The following RBPJL variants were observed in gnomAD, a reference collection of about 807,000 sequenced individuals.
RBPJL encodes the protein recombination signal binding protein for immunoglobulin kappa J region like, also known as recombining binding protein suppressor of hairless-like protein.
In RBPJL, 50 loss-of-function variants were observed where a neutral mutation model predicts 57.6. The ratio of observed to expected loss-of-function variants is 0.87; its 90% confidence interval spans 0.69 to 1.10. The LOEUF (loss-of-function observed/expected upper bound fraction) is 1.10, where lower values mean the gene tolerates loss of function less well. RBPJL is among the 50% of genes least tolerant of loss of function. The pLI is 0.00. For synonymous variants in RBPJL, 303 were observed against 294.4 expected (o/e 1.03, Z -0.30); for missense variants, 684 against 693.7 (o/e 0.99, Z 0.16).
At position 45,317,512 on chromosome 20, in the gene RBPJL, A is replaced by G. The variant is rs552240636; in HGVS notation, c.*553A>G. Reference sequence around the variant, plus strand: ...CTGGAATATTAGATCCACCTGGAGCACCGGGTCTCTCTAAGTCTCACCTGG... The same window carrying G: ...CTGGAATATTAGATCCACCTGGAGCGCCGGGTCTCTCTAAGTCTCACCTGG... On this transcript the variant is annotated 3_prime_UTR_variant, in exon 12 of 12. Coordinates refer to ENST00000343694, the MANE Select transcript of RBPJL (RefSeq NM_014276.4). 2.0e-5 allele frequency: 3 copies of G among 153,694 alleles called. No homozygotes were observed. The highest frequency in any genetic ancestry group is 4.3e-5 in the Non-Finnish European group (3 of 69,246). The allele number at this position is 153,694 out of a possible 1,614,324, so 9.5% of individuals were successfully genotyped here.
chr20:45,315,414 A>T (rs1987401697), intron 9 of RBPJL, among the ~76,000 whole-genome samples: 1 of 150,840 alleles, frequency 6.6e-6, no homozygotes, highest in Non-Finnish European at 1.5e-5. Context: ...AAAAAAAAAA[A>T]TTCTGGAATC....
intron 3 of RBPJL, among the ~76,000 whole-genome samples, chr20:45,310,272 G>A (rs1488271585): frequency 1.3e-5 from 2 of 152,200 alleles, no homozygotes; most frequent in African/African-American, 4.8e-5. Context: ...CTGAAATGGA[G>A]CCAGACAGGA....
Position 45,308,175 on chromosome 20 carries a change from C to G in RBPJL, c.55C>G (p.Leu19Val). Residue 19 changes from leucine to valine, a missense_variant, in exon 2 of 12, where the codon CTG becomes GTG. Transcript: ENST00000343694. ...PSVPPNPLTHLSLQDRSEMQL... is the reference protein window; with the variant it reads ...PSVPPNPLTHVSLQDRSEMQL... ...AGTGCCTCCCAATCCTTTGACTCAC[C>G]TGAGCCTGCAGGACAGATCAGAGAT... 6.2e-7 allele frequency: 1 copy of G among 1,614,016 alleles called. No homozygotes were observed. The highest frequency in any genetic ancestry group is 8.5e-7 in the Non-Finnish European group (1 of 1,179,878).
intron 6 of RBPJL, 77 bp from the exon 7 acceptor site, chr20:45,313,391 A>T (rs1384731998): frequency 7.7e-7 from 1 of 1,292,322 alleles, no homozygotes; most frequent in African/African-American, 1.5e-5. Flanking sequence ...CCTAACCCCA[A>T]TCCTAACCCT....
Position 45,317,006 on chromosome 20 carries a change from G to T in RBPJL, c.*47G>T, listed in dbSNP as rs1419007118. 1.9e-6 allele frequency: 3 copies of T among 1,569,630 alleles called. No homozygotes were observed. Among genetic ancestry groups the T allele is most frequent in the Non-Finnish European group, 8.6e-7 (1 of 1,157,404 alleles). The stretch of plus-strand genomic sequence containing the variant: ...GCCCACCCTGGAGGGCTGCGCCCGC[G>T]CCAGGCGCGGGGACGTGTTTCTGGG... On this transcript the variant is annotated 3_prime_UTR_variant, in exon 12 of 12. Transcript: ENST00000343694.
Position 45,314,107 on chromosome 20 carries a change from T to G in RBPJL, c.830T>G (p.Leu277Arg). The change falls in exon 8 of 12, where the codon CTC becomes CGC. Residue 277 changes from leucine to arginine, a missense_variant. Leu to Arg is a moderately radical substitution (Grantham distance 102). Coordinates refer to ENST00000343694, the MANE Select transcript of RBPJL (RefSeq NM_014276.4). The stretch of plus-strand genomic sequence containing the variant: ...GTTCGCTATGGCTCCCTGGTGCAGC[T>G]CGTCTGCACGGTCACCGGCATCACA... ...GYVRYGSLVQ[L>R]VCTVTGITLP... 1 of 1,614,116 alleles carries G rather than the reference T, an allele frequency of 6.2e-7. No homozygotes were observed. The highest frequency in any genetic ancestry group is 8.5e-7 in the Non-Finnish European group (1 of 1,179,954).
intron 2 of RBPJL, 70 bp from the exon 3 acceptor site, chr20:45,309,497 T>C: frequency 6.6e-7 from 1 of 1,510,518 alleles, no homozygotes; most frequent in Non-Finnish European, 8.9e-7. Flanking sequence ...TCAACCTGAG[T>C]GCTTGGACCC....
At position 45,306,905 on chromosome 20, in the gene RBPJL, G is replaced by T; in HGVS notation, c.-18G>T. ...CCAGAGGGCGGCGGGTGAGCGGCTGGGGCCCCGTGGAGCCACCATGGACCC... is the reference window on the plus strand; with the variant it reads ...CCAGAGGGCGGCGGGTGAGCGGCTGTGGCCCCGTGGAGCCACCATGGACCC... On this transcript the variant is annotated 5_prime_UTR_variant, in exon 1 of 12. Coordinates refer to ENST00000343694, the MANE Select transcript of RBPJL (RefSeq NM_014276.4). 8.0e-7 allele frequency: 1 copy of T among 1,256,194 alleles called. No homozygotes were observed. The highest frequency in any genetic ancestry group is 1.0e-6 in the Non-Finnish European group (1 of 992,892). 77.8% of individuals were successfully genotyped at this position (1,256,194 alleles called of 1,614,324 possible). A position where few individuals can be genotyped will look rare whatever the true frequency, so the allele number is the denominator to read the frequency against.
chr20:45,311,488 G>GTCGCCGTATCATTA, intron 3 of RBPJL, 101 bp from the exon 4 acceptor site: 3 of 1,086,648 alleles, frequency 2.8e-6, no homozygotes, highest in Admixed American at 1.9e-5. Context: ...GCGGGAGGAG[G>GTCGCCGTATCATTA]AAACGAAGGT....
At chr20:45,310,827 A>T (rs888954553) in intron 3 of RBPJL, among the ~76,000 whole-genome samples, 4 of 151,744 alleles carry the variant, frequency 2.6e-5, no homozygotes, top group Admixed American at 2.6e-4. Context: ...TTAACAAAAC[A>T]CTCTGGCCAG....
At chr20:45,308,721 A>G (rs1290264263) in intron 2 of RBPJL, among the ~76,000 whole-genome samples, 1 of 152,018 alleles carries the variant, frequency 6.6e-6, no homozygotes, top group African/African-American at 2.4e-5. Context: ...GGACAGCCTC[A>G]GTTTTCATGG....
At position 45,317,037 on chromosome 20, in the gene RBPJL, G is replaced by A; in HGVS notation, c.*78G>A. ...CGCGGGGACGTGTTTCTGGGTTCTA[G>A]GCCCTGCTTCCTTGCCCCTTTGCTG... On this transcript the variant is annotated 3_prime_UTR_variant, in exon 12 of 12. Coordinates refer to ENST00000343694, the MANE Select transcript of RBPJL (RefSeq NM_014276.4). 1.3e-6 allele frequency: 2 copies of A among 1,502,072 alleles called. No homozygotes were observed. Among genetic ancestry groups the A allele is most frequent in the Non-Finnish European group, 1.8e-6 (2 of 1,119,194 alleles). The allele number at this position is 1,502,072 out of a possible 1,614,324, so 93.0% of individuals were successfully genotyped here.
chr20:45,312,308 G>A lies in RBPJL; in HGVS notation c.532G>A (p.Gly178Ser), dbSNP rs1405270054. Residue 178 changes from glycine (G) to serine (S), a missense_variant, in exon 6 of 12, where the codon GGC (glycine) becomes AGC (serine). Transcript: ENST00000343694. ...RLVLRLVLRG[G>S]RELGTFHSRL... ...GGTGCTGCGGCTGGTGCTGCGCGGG[G>A]GCCGGGAGCTGGGTACCTTCCACAG... 48 of 1,614,074 alleles carry A rather than the reference G, an allele frequency of 3.0e-5. No homozygotes were observed. Among genetic ancestry groups the A allele is most frequent in the Non-Finnish European group, 3.9e-5 (46 of 1,180,020 alleles).
At position 45,309,588 on chromosome 20, in the gene RBPJL, C is replaced by T. The variant is rs1987036560; in HGVS notation, c.153C>T (p.Thr51=). ...TWTRSSPEHT[T]ILRGGVRRCL... ...CCAGGTCATCCCCAGAGCACACCAC[C>T]ATTCTGAGGGGAGGCGTGCGCAGGT... The change falls in exon 3 of 12, where the codon ACC becomes ACT. Residue 51 remains threonine, a synonymous_variant. Transcript: ENST00000343694. 6.2e-7 allele frequency: 1 copy of T among 1,612,548 alleles called. No individual in the cohort carries two copies. Among genetic ancestry groups the T allele is most frequent in the South Asian group, 1.1e-5 (1 of 90,716 alleles).
rs1232879836 is a variant in RBPJL, at chr20:45,316,963, C to T, written c.*4C>T. ...CCACCTCTTCATCCAGACTTAGGCG[C>T]GCCCGGTAGCCCCGGCTGCCCACCC... On this transcript the variant is annotated 3_prime_UTR_variant, in exon 12 of 12. Transcript: ENST00000343694. The T allele has an allele frequency of 1.2e-6, 2 of 1,607,312 alleles. No homozygotes were observed. The highest frequency in any genetic ancestry group is 2.7e-5 in the African/African-American group (2 of 74,750).
At position 45,309,618 on chromosome 20, in the gene RBPJL, G is replaced by A; in HGVS notation, c.183G>A (p.Leu61=). Residue 61 remains leucine (L), a synonymous_variant, in exon 3 of 12, where the codon CTG becomes CTA. Transcript: ENST00000343694. ...TILRGGVRRC[L]QQQCEQTVRI... is the part of the protein sequence containing the mutation. ...TGAGGGGAGGCGTGCGCAGGTGCCT[G>A]CAGCAACAGTGTGAACAGACTGTGC... is the stretch of plus-strand genomic sequence containing the variant. 1 of 1,613,304 alleles carries A rather than the reference G, an allele frequency of 6.2e-7. No homozygotes were observed. Among genetic ancestry groups the A allele is most frequent in the Non-Finnish European group, 8.5e-7 (1 of 1,179,622 alleles).
chr20:45,314,843 G>A (rs920270792), intron 9 of RBPJL, among the ~76,000 whole-genome samples: 2 of 152,190 alleles, frequency 1.3e-5, no homozygotes, highest in East Asian at 1.9e-4. Flanking sequence ...AGCACTTTGC[G>A]AGGCTGAGGT....
chr20:45,317,149 G>A lies in RBPJL; in HGVS notation c.*190G>A. The A allele has an allele frequency of 4.7e-6, 3 of 637,808 alleles. No individual in the cohort carries two copies. Among genetic ancestry groups the A allele is most frequent in the Middle Eastern group, 4.3e-4 (1 of 2,328 alleles). The allele number at this position is 637,808 out of a possible 1,614,324, so 39.5% of individuals were successfully genotyped here. ...CCCTCCCTTGTCCTTACACATACAG[G>A]AAGACAAGACCTGAGTGGTGCTGTC... On this transcript the variant is annotated 3_prime_UTR_variant, in exon 12 of 12. Coordinates refer to ENST00000343694, the MANE Select transcript of RBPJL (RefSeq NM_014276.4).
At chr20:45,312,094 C>G in intron 5 of RBPJL, 127 bp from the exon 6 acceptor site, 1 of 1,503,340 alleles carries the variant, frequency 6.7e-7, no homozygotes, top group African/African-American at 1.4e-5. Flanking sequence ...AAGGCCGAGC[C>G]TGAGAGCCTG....
Sources: allele counts gnomAD v4.1 joint callset (sites outside exome capture counted in the v4.1 genomes callset), GRCh38; gene constraint gnomAD v4.1.1; transcripts MANE v1.5; gene names NCBI Gene and HGNC (gene_info 2026-07-23, HGNC 2026-07-21).